TLK2: variants seen among roughly 807,000 people sequenced by gnomAD.
The protein encoded by TLK2 is serine/threonine-protein kinase tousled-like 2.
TLK2 carries 6 observed loss-of-function variants against 117.3 expected under a neutral mutation model. The observed-to-expected ratio is 0.05, with a 90% CI of 0.03 to 0.10. The LOEUF is 0.10. Ranked by LOEUF, TLK2 falls within the 10% of genes least tolerant of loss-of-function variation. TLK2 has a pLI of 1.00. For synonymous variants in TLK2, 257 were observed against 316.7 expected (o/e 0.81, Z 2.00); for missense variants, 299 against 901.2 (o/e 0.33, Z 8.56).
chr17:62,588,031 GTATACATCTGTATATGTA>G (rs2081768065), intron 16 of TLK2, among the ~76,000 whole-genome samples: 1 of 125,560 alleles, frequency 8.0e-6, no homozygotes, highest in Admixed American at 7.9e-5. Context: ...TAAAATATAC[GTATACATCTGTATATGTA>G]TAAAATATAC....
chr17:62,535,113 C>A (rs2145820103), intron 6 of TLK2, among the ~76,000 whole-genome samples: 1 of 152,098 alleles, frequency 6.6e-6, no homozygotes, highest in South Asian at 2.1e-4. Context: ...GTCTTGAACT[C>A]CTGACTTCAA....
chr17:62,475,086 C>A (rs540993801), upstream of TLK2, among the ~76,000 whole-genome samples: 2 of 152,240 alleles, frequency 1.3e-5, no homozygotes, highest in Admixed American at 1.3e-4. Context: ...TCCTAGCAAC[C>A]AAACGTTTTT....
rs181933584 is a variant in TLK2, at chr17:62,553,926, C to A, written c.720+171C>A. The stretch of plus-strand genomic sequence containing the variant: ...TGAGTAGGAACCAGGTTCCTGCATT[C>A]TAAACACTACCTTTAAATTGGAAAT... On this transcript the variant is annotated intron_variant, in intron 9 of 21. Coordinates refer to ENST00000346027, the MANE Select transcript of TLK2 (RefSeq NM_006852.6). Among the ~76,000 whole-genome samples the A allele has an allele frequency of 2.1e-3, 322 of 152,224 alleles. 1 individual carries two copies. Among genetic ancestry groups the A allele is most frequent in the African/African-American group, 7.3e-3 (303 of 41,528 alleles).
At chr17:62,579,019 C>T (rs1424020758) in intron 14 of TLK2, among the ~76,000 whole-genome samples, 1 of 152,090 alleles carries the variant, frequency 6.6e-6, no homozygotes, top group Admixed American at 6.6e-5. Context: ...AAGTAAGACT[C>T]TTAAGTTCAG....
chr17:62,507,729 T>G (rs1376635482), intron 2 of TLK2, among the ~76,000 whole-genome samples: 2 of 152,198 alleles, frequency 1.3e-5, no homozygotes, highest in South Asian at 4.1e-4. Context: ...CAAGTTTTTC[T>G]TAGTTTATAT....
intron 8 of TLK2, 81 bp downstream of exon 8, chr17:62,552,478 T>C (rs903245632): frequency 8.5e-5 from 136 of 1,592,186 alleles, no homozygotes; most frequent in Non-Finnish European, 1.1e-4. Flanking sequence ...CTGTCATTCT[T>C]CTCTGACTTC....
intron 10 of TLK2, 30 bp downstream of exon 10, chr17:62,560,156 T>A: frequency 6.9e-7 from 1 of 1,444,914 alleles, no homozygotes; most frequent in Non-Finnish European, 9.6e-7. Flanking sequence ...CTAAACTCTG[T>A]ATCCCAAGAT....
upstream of TLK2, among the ~76,000 whole-genome samples, chr17:62,477,237 G>A (rs541641267): frequency 6.6e-6 from 1 of 152,230 alleles, no homozygotes; most frequent in Non-Finnish European, 1.5e-5. Context: ...AGGCAGTGGA[G>A]GCTGGCCTCG....
intron 19 of TLK2, 120 bp downstream of exon 19, chr17:62,602,300 C>A: frequency 1.1e-6 from 1 of 945,212 alleles, no homozygotes; most frequent in Non-Finnish European, 1.5e-6. Context: ...TAAACCAAAG[C>A]AGACTTTCTC....
chr17:62,571,702 T>C (rs2146583911), intron 11 of TLK2, among the ~76,000 whole-genome samples: 1 of 152,340 alleles, frequency 6.6e-6, no homozygotes, highest in African/African-American at 2.4e-5. Flanking sequence ...CATACAGCAT[T>C]GCCCTTCTAG....
intron 2 of TLK2, among the ~76,000 whole-genome samples, chr17:62,497,245 G>C (rs868838102): frequency 5.3e-5 from 8 of 152,202 alleles, no homozygotes; most frequent in Middle Eastern, 3.4e-3. Context: ...ACTTCAGCCT[G>C]GGTGACAGAG....
chr17:62,612,403 A>C lies in TLK2; in HGVS notation c.2091A>C (p.Arg697=). Residue 697 remains arginine (R), a synonymous_variant, in exon 22 of 22, where the codon CGA becomes CGC. Transcript: ENST00000346027. ...ACTCTCCTTTGCAGGCGTTTATTCG[A>C]CGATGCTTGGCCTACCGAAAGGAGG... ...VVTPEAKAFI[R]RCLAYRKEDR... 6.2e-7 allele frequency: 1 copy of C among 1,613,644 alleles called. No homozygotes were observed. Among genetic ancestry groups the C allele is most frequent in the Non-Finnish European group, 8.5e-7 (1 of 1,179,760 alleles).
At chr17:62,576,980 T>TTTTTTTTTTTTG (rs2080846395) in intron 13 of TLK2, among the ~76,000 whole-genome samples, 1 of 144,944 alleles carries the variant, frequency 6.9e-6, no homozygotes, top group African/African-American at 2.6e-5. Context: ...TTTTTTTTTT[T>TTTTTTTTTTTTG]GAGTTGGAGT....
intron 16 of TLK2, among the ~76,000 whole-genome samples, chr17:62,586,617 C>G (rs906998045): frequency 3.9e-5 from 6 of 151,982 alleles, no homozygotes. Flanking sequence ...GTCAGGAGAT[C>G]GAGACCATCC....
chr17:62,567,770 TAATC>T (rs767575005), intron 11 of TLK2, among the ~76,000 whole-genome samples: 1 of 152,152 alleles, frequency 6.6e-6, no homozygotes, highest in Non-Finnish European at 1.5e-5. Flanking sequence ...ATGAATCAGA[TAATC>T]AAATATAGCC....
At chr17:62,571,262 T>G (rs1175240048) in intron 11 of TLK2, among the ~76,000 whole-genome samples, 1 of 152,204 alleles carries the variant, frequency 6.6e-6, no homozygotes, top group Non-Finnish European at 1.5e-5. Context: ...TCTGTAGTAT[T>G]TGCACATAGC....
chr17:62,543,006 T>A (rs561060214), intron 7 of TLK2, among the ~76,000 whole-genome samples: 1 of 152,282 alleles, frequency 6.6e-6, no homozygotes, highest in South Asian at 2.1e-4. Context: ...TTTCTTATCA[T>A]CTGTGCCTGT....
intron 12 of TLK2, among the ~76,000 whole-genome samples, 194 bp from the exon 13 acceptor site, chr17:62,576,515 G>T (rs558238442): frequency 1.3e-5 from 2 of 152,164 alleles, no homozygotes; most frequent in East Asian, 3.9e-4. Context: ...TGGCTTTGAA[G>T]TTCTTCCCTC....
chr17:62,552,448 TA>T lies in TLK2; in HGVS notation c.627+53del, dbSNP rs750347124. ...GAGGGGCATACCTGCTGTGTAGGAA[TA>T]AGGGCTAACCTGTGTAGTCTGTCAT... On this transcript the variant is annotated intron_variant, in intron 8 of 21. Coordinates refer to ENST00000346027, the MANE Select transcript of TLK2 (RefSeq NM_006852.6). 7 of 1,613,690 alleles carry T rather than the reference TA, an allele frequency of 4.3e-6. No homozygotes were observed. The East Asian group carries it at 1.6e-4, about 36-fold the overall frequency.
Sources: gnomAD v4.1 joint callset for allele counts (sites outside exome capture counted in the v4.1 genomes callset) on GRCh38, gnomAD v4.1.1 for gene constraint, MANE v1.5 for transcripts, NCBI Gene and HGNC (gene_info 2026-07-23, HGNC 2026-07-21) for gene names.